ENOX2: variants seen among roughly 807,000 people sequenced by gnomAD.
The protein encoded by ENOX2 is APK1 antigen.
ENOX2 carries 36 observed loss-of-function variants against 45.0 expected under a neutral mutation model. The ratio of observed to expected loss-of-function variants is 0.80; its 90% confidence interval spans 0.61 to 1.06. ENOX2 has a LOEUF of 1.06. ENOX2 is among the 50% of genes least tolerant of loss of function. ENOX2 has a pLI of 0.00. For missense variants in ENOX2, 423 were observed against 462.5 expected, an observed-to-expected ratio of 0.91 and a Z score of 0.78; for synonymous variants, 174 against 152.3, an observed-to-expected ratio of 1.14 and a Z score of -1.05.
At chrX:130,842,972 A>G (rs2078040295) in intron 2 of ENOX2, among the ~76,000 whole-genome samples, 2 of 111,360 alleles carry the variant, frequency 1.8e-5, no homozygotes, top group South Asian at 7.8e-4. Context: ...GAGGGTCTAT[A>G]GTTTTCAGAT....
intron 3 of ENOX2, among the ~76,000 whole-genome samples, chrX:130,782,658 AAAAAC>A (rs1438794684): frequency 8.9e-6 from 1 of 112,317 alleles, no homozygotes; most frequent in Non-Finnish European, 1.9e-5. Flanking sequence ...AGTAATAATA[AAAAAC>A]AAAACAAAGA....
chrX:130,787,405 T>A (rs1054139800), intron 2 of ENOX2, among the ~76,000 whole-genome samples: 6 of 111,991 alleles, frequency 5.4e-5, no homozygotes, highest in African/African-American at 1.9e-4. Flanking sequence ...ACATAGTAGA[T>A]GTTCAATAAG....
At chrX:130,730,685 C>A (rs750136837) in intron 3 of ENOX2, among the ~76,000 whole-genome samples, 2 of 101,884 alleles carry the variant, frequency 2.0e-5, no homozygotes, top group South Asian at 9.8e-4. Context: ...CATAATACAT[C>A]AATCAATACA....
chrX:130,627,135 G>T (rs1401867836), intron 14 of ENOX2, among the ~76,000 whole-genome samples: 1 of 111,695 alleles, frequency 9.0e-6, no homozygotes, highest in Non-Finnish European at 1.9e-5. Flanking sequence ...GTGTTACAGA[G>T]GCTCTCAGCT....
At chrX:130,641,362 C>T (rs1263812594) in intron 10 of ENOX2, among the ~76,000 whole-genome samples, 1 of 111,625 alleles carries the variant, frequency 9.0e-6, no homozygotes, top group South Asian at 3.7e-4. Flanking sequence ...ATTCTGCACC[C>T]TGTGAAATCT....
intron 2 of ENOX2, among the ~76,000 whole-genome samples, chrX:130,842,365 G>A (rs1033765406): frequency 1.8e-5 from 2 of 112,031 alleles, no homozygotes; most frequent in African/African-American, 6.5e-5. Context: ...TTCTTTTTAT[G>A]ATAAGAAATC....
chrX:130,681,262 A>G (rs1420092538), intron 5 of ENOX2, among the ~76,000 whole-genome samples: 1 of 112,360 alleles, frequency 8.9e-6, no homozygotes, highest in African/African-American at 3.2e-5. Flanking sequence ...GATTCTAGCC[A>G]TCACACTTCC....
At chrX:130,766,526 T>G (rs1200257032) in intron 3 of ENOX2, among the ~76,000 whole-genome samples, 1 of 112,291 alleles carries the variant, frequency 8.9e-6, no homozygotes, top group Non-Finnish European at 1.9e-5. Flanking sequence ...TTTCACTATT[T>G]CAAGGTTAGG....
At chrX:130,805,098 T>G (rs2077279566) in intron 2 of ENOX2, among the ~76,000 whole-genome samples, 1 of 111,738 alleles carries the variant, frequency 8.9e-6, no homozygotes, top group Non-Finnish European at 1.9e-5. Context: ...ATGCCAGATC[T>G]GCTGGCACTT....
At chrX:130,649,043 CAAAAAAAAAAAAAA>C (rs35154919) in intron 10 of ENOX2, among the ~76,000 whole-genome samples, 272 of 6,794 alleles carry the variant, frequency 0.04, 4 homozygotes, top group South Asian at 0.082. Flanking sequence ...GACTCCATAT[CAAAAAAAAAAAAAA>C]AAAAAAAAAA....
At chrX:130,796,069 G>C (rs1401475052) in intron 2 of ENOX2, among the ~76,000 whole-genome samples, 2 of 110,404 alleles carry the variant, frequency 1.8e-5, no homozygotes, top group Non-Finnish European at 3.8e-5. Flanking sequence ...CATGATGAAG[G>C]ATGCACTGAA....
At chrX:130,702,363 A>C (rs1211505097) in intron 4 of ENOX2, among the ~76,000 whole-genome samples, 1 of 111,457 alleles carries the variant, frequency 9.0e-6, no homozygotes, top group Admixed American at 9.6e-5. Context: ...AAGGTTCTAG[A>C]TTGGCCTGGT....
chrX:130,678,311 A>G (rs1268151366), intron 6 of ENOX2, among the ~76,000 whole-genome samples: 1 of 111,443 alleles, frequency 9.0e-6, no homozygotes, highest in Non-Finnish European at 1.9e-5. Flanking sequence ...ACTCCTGCTC[A>G]TACCTCTCAG....
At chrX:130,705,891 G>A (rs1028264264) in intron 3 of ENOX2, among the ~76,000 whole-genome samples, 2 of 111,371 alleles carry the variant, frequency 1.8e-5, no homozygotes, top group African/African-American at 6.5e-5. Context: ...GAGGGTCCCC[G>A]TTTCCCTTTT....
At chrX:130,678,542 C>T (rs1000560858) in intron 6 of ENOX2, among the ~76,000 whole-genome samples, 2 of 109,049 alleles carry the variant, frequency 1.8e-5, no homozygotes, top group African/African-American at 6.7e-5. Flanking sequence ...ATCTCACGGA[C>T]TTTGGCTTGG....
intron 4 of ENOX2, among the ~76,000 whole-genome samples, chrX:130,692,578 C>CTT (rs1207290298): frequency 7.5e-5 from 8 of 106,385 alleles, no homozygotes; most frequent in African/African-American, 2.8e-4. Flanking sequence ...TTATCTCTCT[C>CTT]TGTTTTTTTT....
At position 130,859,625 on chromosome X, in the gene ENOX2, G is replaced by A. The variant is rs191480952; in HGVS notation, c.-183+42059C>T. Among the ~76,000 whole-genome samples the A allele has an allele frequency of 4.5e-5, 5 of 111,982 alleles. No homozygotes were observed. In the East Asian group the frequency reaches 8.5e-4, roughly 19 times the overall value. ...AGCCATGGAAGACAAAAGCAGCAGA[G>A]TGTGTATAAACTATAAATAGATTAA... On this transcript the variant is annotated intron_variant, in intron 2 of 14. Transcript: ENST00000394363.
At chrX:130,811,443 C>T (rs2077387268) in intron 2 of ENOX2, among the ~76,000 whole-genome samples, 1 of 112,189 alleles carries the variant, frequency 8.9e-6, no homozygotes. Flanking sequence ...ACCAGCCAGG[C>T]ACTAGGTCCA....
chrX:130,715,981 T>G (rs1053031963), intron 3 of ENOX2, among the ~76,000 whole-genome samples: 47 of 111,738 alleles, frequency 4.2e-4, no homozygotes, highest in African/African-American at 1.5e-3. Context: ...TTACCTCTGA[T>G]ATCTTATGGA....
Sources: allele counts gnomAD v4.1 joint callset (sites outside exome capture counted in the v4.1 genomes callset), GRCh38; gene constraint gnomAD v4.1.1; transcripts MANE v1.5; gene names NCBI Gene and HGNC (gene_info 2026-07-23, HGNC 2026-07-21).